The following CCDC3 variants were observed in gnomAD, a reference collection of about 807,000 sequenced individuals.
CCDC3 encodes the protein coiled-coil domain containing 3.
A neutral mutation model predicts 21.4 loss-of-function variants in CCDC3; 24 were observed. The ratio of observed to expected loss-of-function variants is 1.12; its 90% CI spans 0.81 to 1.58. The LOEUF (loss-of-function observed/expected upper bound fraction) is 1.58, where lower values mean the gene tolerates loss of function less well. Among genes scored for constraint, CCDC3 ranks in the 40% most tolerant of loss-of-function variants. The pLI is 0.00. For missense variants in CCDC3, 425 were observed against 360.9 expected (o/e 1.18, Z -1.44); for synonymous variants, 186 against 166.0 (o/e 1.12, Z -0.93).
chr10:12,992,317 C>G (rs902271802), intron 2 of CCDC3, among the ~76,000 whole-genome samples: 1 of 152,064 alleles, frequency 6.6e-6, no homozygotes, highest in Admixed American at 6.6e-5. Flanking sequence ...TTGAACCTCA[C>G]TGCGGAGGTT....
intron 5 of CCDC3, among the ~76,000 whole-genome samples, chr10:13,027,235 T>A (rs556592296): frequency 1.3e-5 from 2 of 151,668 alleles, no homozygotes; most frequent in African/African-American, 4.8e-5. Flanking sequence ...TAGCAGCAAT[T>A]CCTCCACTAA....
At chr10:13,025,386 A>G (rs766162128) in intron 5 of CCDC3, among the ~76,000 whole-genome samples, 7 of 152,216 alleles carry the variant, frequency 4.6e-5, no homozygotes, top group Non-Finnish European at 7.3e-5. Context: ...TGCATTGGCC[A>G]AAGCTCATCA....
At chr10:12,917,259 T>C (rs1834374528) in intron 2 of CCDC3, among the ~76,000 whole-genome samples, 1 of 140,154 alleles carries the variant, frequency 7.1e-6, no homozygotes, top group East Asian at 2.3e-4. Flanking sequence ...AGTGGCGCTA[T>C]CTCGGCTCAC....
At chr10:12,976,680 T>C (rs1366009826) in intron 2 of CCDC3, among the ~76,000 whole-genome samples, 1 of 152,192 alleles carries the variant, frequency 6.6e-6, no homozygotes, top group African/African-American at 2.4e-5. Context: ...ATTTAATTCT[T>C]GCTGAAAATC....
At chr10:13,010,060 C>A (rs1331091922) in intron 5 of CCDC3, among the ~76,000 whole-genome samples, 1 of 152,108 alleles carries the variant, frequency 6.6e-6, no homozygotes, top group East Asian at 1.9e-4. Context: ...CCAGCCTGGC[C>A]AACGTGGTGA....
chr10:13,075,566 A>C (rs915581468), intron 3 of CCDC3, among the ~76,000 whole-genome samples: 43 of 152,248 alleles, frequency 2.8e-4, no homozygotes, highest in African/African-American at 1.0e-3. Flanking sequence ...AAGAAACACT[A>C]ATAAATAAAT....
chr10:13,097,426 T>C (rs1392113636), intron 3 of CCDC3, among the ~76,000 whole-genome samples: 1 of 152,176 alleles, frequency 6.6e-6, no homozygotes, highest in African/African-American at 2.4e-5. Flanking sequence ...AGAGGCCTTA[T>C]CTAAAATTTT....
Position 12,945,417 on chromosome 10 carries a change from G to GA in CCDC3, c.550-46739dup, listed in dbSNP as rs1020469868. On this transcript the variant is annotated intron_variant, in intron 2 of 2. Coordinates refer to ENST00000378825, the MANE Select transcript of CCDC3 (RefSeq NM_031455.4). Reference sequence around the variant, plus strand: ...TCCACAGTGAGAAAAAAAGTATAGGGAAAAAAAAAACCCCGAATGGATATA... The same window carrying GA: ...TCCACAGTGAGAAAAAAAGTATAGGGAAAAAAAAAAACCCCGAATGGATATA... Among the ~76,000 whole-genome samples the GA allele has an allele frequency of 4.3e-3, 640 of 147,376 alleles. 2 individuals are homozygous for GA. The highest frequency in any genetic ancestry group is 6.7e-3 in the Non-Finnish European group (445 of 66,578).
chr10:13,048,799 A>C (rs1174093448), intron 5 of CCDC3, among the ~76,000 whole-genome samples: 1 of 151,804 alleles, frequency 6.6e-6, no homozygotes, highest in African/African-American at 2.4e-5. Flanking sequence ...TAAAGTAAAA[A>C]ATCCAAATAT....
chr10:13,085,364 T>C (rs1000691644), intron 3 of CCDC3, among the ~76,000 whole-genome samples: 1 of 152,230 alleles, frequency 6.6e-6, no homozygotes, highest in South Asian at 2.1e-4. Flanking sequence ...GGCTGGCAAC[T>C]TTCACATGTC....
intron 3 of CCDC3, among the ~76,000 whole-genome samples, chr10:13,095,175 T>C (rs375281597): frequency 2.3e-4 from 35 of 152,284 alleles, no homozygotes; most frequent in South Asian, 1.7e-3. Context: ...AGAAGTGGAA[T>C]TGCTGGGTCA....
intron 2 of CCDC3, among the ~76,000 whole-genome samples, chr10:12,968,155 C>G (rs1188376204): frequency 7.2e-6 from 1 of 138,290 alleles, no homozygotes; most frequent in African/African-American, 2.6e-5. Context: ...GGTGAAAGAG[C>G]GAGACTTCAC....
At chr10:12,961,107 C>A (rs941351852) in intron 2 of CCDC3, among the ~76,000 whole-genome samples, 1 of 152,206 alleles carries the variant, frequency 6.6e-6, no homozygotes, top group Non-Finnish European at 1.5e-5. Context: ...CTTCCAGAAA[C>A]ATCTCTGTGC....
At chr10:13,068,342 T>C (rs1035722256) in intron 4 of CCDC3, among the ~76,000 whole-genome samples, 1 of 151,998 alleles carries the variant, frequency 6.6e-6, no homozygotes, top group Non-Finnish European at 1.5e-5. Flanking sequence ...ATATGTGTCG[T>C]GTATGTGATG....
upstream of CCDC3, among the ~76,000 whole-genome samples, chr10:13,003,999 G>A (rs191436572): frequency 3.8e-4 from 58 of 152,292 alleles, no homozygotes; most frequent in Non-Finnish European, 6.3e-4. Flanking sequence ...GCAGTGTACC[G>A]TAGTGAGCAG....
chr10:13,094,939 C>G (rs12358241), intron 3 of CCDC3, among the ~76,000 whole-genome samples: 1 of 152,084 alleles, frequency 6.6e-6, no homozygotes, highest in African/African-American at 2.4e-5. Flanking sequence ...ACAGGCTTGT[C>G]TCAAAGCAGA....
intron 5 of CCDC3, among the ~76,000 whole-genome samples, chr10:13,024,048 T>G (rs1261066308): frequency 1.3e-5 from 2 of 152,188 alleles, no homozygotes; most frequent in East Asian, 3.8e-4. Flanking sequence ...TCCCTGGAAC[T>G]GATTCTCTGT....
At chr10:13,002,719 T>G (rs1390623897), upstream of CCDC3, among the ~76,000 whole-genome samples, 1 of 152,180 alleles carries the variant, frequency 6.6e-6, no homozygotes, top group African/African-American at 2.4e-5. Flanking sequence ...GCTATTAGTC[T>G]CCCAGGGCTG....
chr10:12,985,369 G>A (rs1835571475), intron 2 of CCDC3, among the ~76,000 whole-genome samples: 1 of 147,588 alleles, frequency 6.8e-6, no homozygotes, highest in South Asian at 2.1e-4. Context: ...TAATTTCAGG[G>A]TTTCTTTTAA....
Sources: gnomAD v4.1 joint callset for allele counts (sites outside exome capture counted in the v4.1 genomes callset) on GRCh38, gnomAD v4.1.1 for gene constraint, MANE v1.5 for transcripts, NCBI Gene and HGNC (gene_info 2026-07-23, HGNC 2026-07-21) for gene names.